Variants in INSRR observed in about 807,000 individuals in gnomAD.
INSRR encodes insulin receptor-related protein.
A neutral mutation model predicts 130.0 loss-of-function variants in INSRR; 114 were observed. The observed-to-expected ratio is 0.88, with a 90% CI of 0.75 to 1.02. INSRR has a LOEUF of 1.02. Ranked by LOEUF, INSRR falls within the 50% of genes least tolerant of loss-of-function variation. INSRR has a pLI of 0.00. For missense variants in INSRR, 1,657 were observed against 1,735.2 expected, an observed-to-expected ratio of 0.95 and a Z score of 0.80; for synonymous variants, 674 against 705.2, an observed-to-expected ratio of 0.96 and a Z score of 0.70.
chr1:156,849,148 A>G (rs1427821514), intron 6 of INSRR, 98 bp downstream of exon 6: 6 of 1,593,296 alleles, frequency 3.8e-6, no homozygotes, highest in Non-Finnish European at 5.1e-6. Context: ...CTCTGAGGAG[A>G]ACTTCTCAGA....
chr1:156,841,659 C>CCTAA lies in INSRR; in HGVS notation c.3527+5_3527+6insTTAG. 6.2e-7 allele frequency: 1 copy of CCTAA among 1,613,416 alleles called. No individual in the cohort carries two copies. Among genetic ancestry groups the CCTAA allele is most frequent in the Non-Finnish European group, 8.5e-7 (1 of 1,179,448 alleles). ...CCTGGAGCCCTGTGCTCCAGCTCGGCCCCACCAGACATCCGAGTGGGTGGT... is the reference window on the plus strand; with the variant it reads ...CCTGGAGCCCTGTGCTCCAGCTCGGCCTAACCCACCAGACATCCGAGTGGGTGGT... On this transcript the variant is annotated splice_donor_region_variant and intron_variant, in intron 20 of 21. Transcript: ENST00000368195.
intron 16 of INSRR, 50 bp downstream of exon 16, chr1:156,843,377 T>C: frequency 6.3e-7 from 1 of 1,597,518 alleles, no homozygotes; most frequent in Non-Finnish European, 8.6e-7. Flanking sequence ...TCTCTGCTCC[T>C]CTCCTGTCTC....
At position 156,843,131 on chromosome 1, in the gene INSRR, C is replaced by A; in HGVS notation, c.2999G>T (p.Gly1000Val). 6.2e-7 allele frequency: 1 copy of A among 1,614,158 alleles called. No individual in the cohort carries two copies. Among genetic ancestry groups the A allele is most frequent in the Non-Finnish European group, 8.5e-7 (1 of 1,180,042 alleles). The change falls in exon 17 of 22, where the codon GGA (glycine) becomes GTA (valine). Residue 1000 changes from glycine (G) to valine (V), a missense_variant. Coordinates refer to ENST00000368195, the MANE Select transcript of INSRR (RefSeq NM_014215.3). ...TGTGGACTCCTCTCCAGCCTCAAGTCCTCGTGCCAGCCCCTCATATACCAT... is the reference window on the plus strand; with the variant it reads ...TGTGGACTCCTCTCCAGCCTCAAGTACTCGTGCCAGCCCCTCATATACCAT... Reference protein sequence around the residue: ...FGMVYEGLARGLEAGEESTPV... With the variant: ...FGMVYEGLARVLEAGEESTPV...
intron 17 of INSRR, 88 bp from the exon 18 acceptor site, chr1:156,842,596 T>A (rs1654841699): frequency 3.1e-6 from 3 of 953,692 alleles, no homozygotes; most frequent in Non-Finnish European, 5.0e-6. Flanking sequence ...ACAGTCTGAC[T>A]CAGACACCAA....
In INSRR at chr1:156,845,608, G is replaced by A. The variant is rs377182603; in HGVS notation, c.2174+11C>T. Reference sequence around the variant, plus strand: ...CATCAGACCCTCCCAGGCCGCGCGCGCTCTTCGCACATGGGGATGGTGATC... The same window carrying A: ...CATCAGACCCTCCCAGGCCGCGCGCACTCTTCGCACATGGGGATGGTGATC... On this transcript the variant is annotated intron_variant, in intron 10 of 21. Coordinates refer to ENST00000368195, the MANE Select transcript of INSRR (RefSeq NM_014215.3). 1.3e-6 allele frequency: 2 copies of A among 1,565,560 alleles called. No homozygotes were observed. The highest frequency in any genetic ancestry group is 1.7e-4 in the Middle Eastern group (1 of 5,738).
chr1:156,849,370 G>A lies in INSRR; in HGVS notation c.1320C>T (p.Ile440=), dbSNP rs1488391568. ...AAGLTIPVGK[I]YFAFNPRLCL... ...AGAGGCGCGGGTTGAAGGCGAAGTA[G>A]ATCTTGCCCACGGGAATGGTGAGCC... The change falls in exon 6 of 22, where the codon ATC becomes ATT. Residue 440 remains isoleucine (I), a synonymous_variant. Coordinates refer to ENST00000368195, the MANE Select transcript of INSRR (RefSeq NM_014215.3). 1 of 1,613,924 alleles carries A rather than the reference G, an allele frequency of 6.2e-7. No homozygotes were observed. The highest frequency in any genetic ancestry group is 2.2e-5 in the East Asian group (1 of 44,858).
chr1:156,842,604 C>A, intron 17 of INSRR, 96 bp from the exon 18 acceptor site: 1 of 853,564 alleles, frequency 1.2e-6, no homozygotes, highest in Non-Finnish European at 1.9e-6. Flanking sequence ...ACTCAGACAC[C>A]AAACCTGACC....
chr1:156,846,258 C>A (rs1394159140), intron 8 of INSRR, 139 bp from the exon 9 acceptor site: 7 of 962,974 alleles, frequency 7.3e-6, no homozygotes, highest in Non-Finnish European at 1.1e-5. Context: ...CTTCCTAGAA[C>A]TCAGTGTTTT....
rs369914973 is a variant in INSRR at position 156,840,429 on chromosome 1, G to GCCCCCCCCCCCCCC, written c.*443_*444insGGGGGGGGGGGGGG. ...GTGGCAAGCAAGGCAGTCATGTGGA[G>GCCCCCCCCCCCCCC]CCCCACCCCCCTCCCATACATGCAT... On this transcript the variant is annotated 3_prime_UTR_variant, in exon 22 of 22. Coordinates refer to ENST00000368195, the MANE Select transcript of INSRR (RefSeq NM_014215.3). 1 of 158,436 alleles carries GCCCCCCCCCCCCCC rather than the reference G, an allele frequency of 6.3e-6. No individual in the cohort carries two copies. The highest frequency in any genetic ancestry group is 1.4e-5 in the Non-Finnish European group (1 of 72,712). The allele number at this position is 158,436 out of a possible 1,614,324, so 9.8% of individuals were successfully genotyped here.
chr1:156,846,225 G>T, intron 8 of INSRR, 106 bp from the exon 9 acceptor site: 1 of 1,208,026 alleles, frequency 8.3e-7, no homozygotes, highest in Non-Finnish European at 1.1e-6. Flanking sequence ...TTCTCCCAAA[G>T]AATAGGTGAT....
At chr1:156,853,210 C>G (rs1655288209) in intron 2 of INSRR, among the ~76,000 whole-genome samples, 1 of 152,170 alleles carries the variant, frequency 6.6e-6, no homozygotes, top group Non-Finnish European at 1.5e-5. Context: ...CCTCCCATTA[C>G]AGTATTGCCA....
intron 12 of INSRR, 32 bp from the exon 13 acceptor site, chr1:156,844,875 A>G (rs772911319): frequency 1.2e-6 from 2 of 1,612,552 alleles, no homozygotes; most frequent in South Asian, 2.2e-5. Context: ...AGCCGGGCCA[A>G]AAGTGGTTCA....
In INSRR at chr1:156,840,683, G is replaced by T; in HGVS notation, c.*190C>A. On this transcript the variant is annotated 3_prime_UTR_variant, in exon 22 of 22. Transcript: ENST00000368195. ...CTTGCTCTCCCCCGAGGGACTCAGA[G>T]TCTGAGAAACTCCTATGGTGAGACC... 1 of 610,280 alleles carries T rather than the reference G, an allele frequency of 1.6e-6. No individual in the cohort carries two copies. The allele number at this position is 610,280 out of a possible 1,614,324, so 37.8% of individuals were successfully genotyped here.
chr1:156,842,788 A>G (rs1436007223), intron 17 of INSRR, among the ~76,000 whole-genome samples: 1 of 152,136 alleles, frequency 6.6e-6, no homozygotes, highest in African/African-American at 2.4e-5. Context: ...AGCCCCAATC[A>G]TGACTGATCT....
Position 156,848,931 on chromosome 1 carries a change from A to G in INSRR, c.1561T>C (p.Tyr521His), listed in dbSNP as rs1655105346. Residue 521 changes from tyrosine (Y) to histidine (H), a missense_variant, in exon 7 of 22, where the codon TAC becomes CAC. By Grantham distance (83) the Tyr-to-His change is moderately conservative (BLOSUM62 2). Coordinates refer to ENST00000368195, the MANE Select transcript of INSRR (RefSeq NM_014215.3). ...ARDLLSFIVYYKESPFQNATE... is the reference protein window; with the variant it reads ...ARDLLSFIVYHKESPFQNATE... ...GCCCCCGGCACTCACGACTCCTTGT[A>G]GTACACGATGAAGCTGAGCAGGTCG... 1.3e-6 allele frequency: 2 copies of G among 1,577,498 alleles called. No homozygotes were observed. The highest frequency in any genetic ancestry group is 2.7e-5 in the African/African-American group (2 of 74,228).
At chr1:156,849,982 C>T (rs896597965) in intron 5 of INSRR, among the ~76,000 whole-genome samples, 5 of 151,884 alleles carry the variant, frequency 3.3e-5, no homozygotes, top group African/African-American at 9.7e-5. Context: ...GGCCCACTGC[C>T]GCCTTGACCT....
In INSRR at chr1:156,843,149, T is replaced by C. The variant is rs778427329; in HGVS notation, c.2981A>G (p.Tyr994Cys). 6.2e-7 allele frequency: 1 copy of C among 1,614,096 alleles called. No individual in the cohort carries two copies. The highest frequency in any genetic ancestry group is 8.5e-7 in the Non-Finnish European group (1 of 1,180,022). ...ELGQGSFGMV[Y>C]EGLARGLEAG... ...CTCAAGTCCTCGTGCCAGCCCCTCA[T>C]ATACCATCCCAAAAGAGCCCTGGCC... The change falls in exon 17 of 22, where the codon TAT (tyrosine) becomes TGT (cysteine). Residue 994 changes from tyrosine to cysteine, a missense_variant. Transcript: ENST00000368195.
intron 1 of INSRR, among the ~76,000 whole-genome samples, chr1:156,855,328 C>T (rs1156731095): frequency 2.0e-5 from 3 of 152,200 alleles, no homozygotes; most frequent in Non-Finnish European, 4.4e-5. Context: ...CTCAGCCTCC[C>T]GAGTAGCTGG....
rs1010889994 is a variant in INSRR, at chr1:156,851,953, G to A, written c.876C>T (p.Thr292=). 5.6e-6 allele frequency: 9 copies of A among 1,606,778 alleles called. No individual in the cohort carries two copies. The highest frequency in any genetic ancestry group is 7.7e-6 in the Non-Finnish European group (9 of 1,174,220). ...GGCAACTGCCCTGGTGTATGCCGAA[G>A]GTGGAGGCACGGCCGGGCACAGAGT... ...SLHSVPGRAS[T]FGIHQGSCLA... The change falls in exon 3 of 22, where the codon ACC becomes ACT. Residue 292 remains threonine, a synonymous_variant. Transcript: ENST00000368195.
Sources: gnomAD v4.1 joint callset for allele counts (sites outside exome capture counted in the v4.1 genomes callset) on GRCh38, gnomAD v4.1.1 for gene constraint, MANE v1.5 for transcripts, NCBI Gene and HGNC (gene_info 2026-07-23, HGNC 2026-07-21) for gene names.